Variants in CAD observed in about 807,000 individuals in gnomAD.
The protein encoded by CAD is carbamoyl-phosphate synthetase 2, aspartate transcarbamylase, and dihydroorotase, also known as multifunctional protein CAD.
In CAD, 81 loss-of-function variants were observed where a neutral mutation model predicts 237.2. The observed-to-expected ratio is 0.34, with a 90% CI of 0.29 to 0.41. CAD has a LOEUF of 0.41. Ranked by LOEUF, CAD falls within the 10% of genes least tolerant of loss-of-function variation. The pLI is 1.00. For synonymous variants in CAD, 1,196 were observed against 1,162.8 expected (o/e 1.03, Z -0.58); for missense variants, 2,181 against 2,951.7 (o/e 0.74, Z 6.05).
At chr2:27,238,897 C>A in intron 31 of CAD, 145 bp from the exon 32 acceptor site, 1 of 831,942 alleles carries the variant, frequency 1.2e-6, no homozygotes, top group East Asian at 2.5e-5. Flanking sequence ...AGTCCTGTTG[C>A]CCTTGTTTCT....
Position 27,241,444 on chromosome 2 carries a change from G to A in CAD, c.5883+48G>A, listed in dbSNP as rs1558545754. 3.1e-6 allele frequency: 5 copies of A among 1,588,988 alleles called. No individual in the cohort carries two copies. The highest frequency in any genetic ancestry group is 3.5e-6 in the Non-Finnish European group (4 of 1,157,558). On this transcript the variant is annotated intron_variant, in intron 38 of 43. Coordinates refer to ENST00000264705, the MANE Select transcript of CAD (RefSeq NM_004341.5). The surrounding 1 kb of genome is among the most constrained non-coding windows in gnomAD (Gnocchi z 4.6). ...GGGTCCAGGCCATCGCCTGCCCTTG[G>A]GCCGCATCAGCGCAGGGCCGCGCAG...
Position 27,235,806 on chromosome 2 carries a change from A to C in CAD, c.4074+166A>C. 1.7e-6 allele frequency: 1 copy of C among 575,632 alleles called. No individual in the cohort carries two copies. Among genetic ancestry groups the C allele is most frequent in the Non-Finnish European group, 3.1e-6 (1 of 324,712 alleles). The allele number at this position is 575,632 out of a possible 1,614,324, so 35.7% of individuals were successfully genotyped here. A position where few individuals can be genotyped will look rare whatever the true frequency, so the allele number is the denominator to read the frequency against. On this transcript the variant is annotated intron_variant, in intron 25 of 43. Coordinates refer to ENST00000264705, the MANE Select transcript of CAD (RefSeq NM_004341.5). This position sits in a 1 kb window ranked among gnomAD's most constrained non-coding sequence, Gnocchi z 5.2. Reference sequence around the variant, plus strand: ...CTTGAGCCCAGGAGGTAGAGGCTGCAGTGAGCTGCGAGTGTGCAGTGAGTG... The same window carrying C: ...CTTGAGCCCAGGAGGTAGAGGCTGCCGTGAGCTGCGAGTGTGCAGTGAGTG...
rs201394008 is a variant in CAD, at chr2:27,238,470, G to T, written c.4900G>T (p.Val1634Leu). Reference protein sequence around the residue: ...IKAAKARGLPVTCEVAPHHLF... With the variant: ...IKAAKARGLPLTCEVAPHHLF... ...AGCTGCAAAGGCACGGGGCTTGCCA[G>T]TGACCTGCGAGGTGGCTCCCCACCA... Residue 1634 changes from valine to leucine, a missense_variant, in exon 31 of 44, where the codon GTG (valine) becomes TTG (leucine). Val to Leu is a conservative substitution (Grantham distance 32). Around this residue, in one of 12 missense-constraint regions of CAD, gnomAD observed 478 missense variants for 515.0 expected, o/e 0.93. Transcript: ENST00000264705. 1 of 1,604,260 alleles carries T rather than the reference G, an allele frequency of 6.2e-7. No individual in the cohort carries two copies. The highest frequency in any genetic ancestry group is 1.3e-5 in the African/African-American group (1 of 74,714).
intron 11 of CAD, 58 bp downstream of exon 11, chr2:27,225,301 TTC>T: frequency 1.1e-5 from 11 of 963,138 alleles, no homozygotes; most frequent in East Asian, 2.6e-5. Context: ...TAGTGTTATT[TTC>T]TTTTTTTTTT....
In CAD at chr2:27,231,484, T is replaced by C. The variant is rs757425036; in HGVS notation, c.2304T>C (p.Ile768=). 6 of 1,608,656 alleles carry C rather than the reference T, an allele frequency of 3.7e-6. No individual in the cohort carries two copies. Among genetic ancestry groups the C allele is most frequent in the African/African-American group, 1.3e-5 (1 of 74,804 alleles). ...CMKSVGEVMG[I]GRSFEEAFQK... ...TTCTTCCAGGTGAAGTCATGGGCAT[T>C]GGGCGTTCATTTGAGGAGGCCTTCC... Residue 768 remains isoleucine, a synonymous_variant, in exon 16 of 44, where the codon ATT becomes ATC. Transcript: ENST00000264705.
At chr2:27,223,499 G>C (rs1345380131) in intron 6 of CAD, 64 bp from the exon 7 acceptor site, 40 of 1,429,232 alleles carry the variant, frequency 2.8e-5, no homozygotes, top group Non-Finnish European at 1.2e-5. Flanking sequence ...GTGAGAGCTG[G>C]GGTAGGTTCA....
chr2:27,243,735 C>T lies in CAD; in HGVS notation c.*217C>T. The T allele has an allele frequency of 1.7e-6, 1 of 571,746 alleles. No individual in the cohort carries two copies. The highest frequency in any genetic ancestry group is 3.1e-6 in the Non-Finnish European group (1 of 321,128). The allele number at this position is 571,746 out of a possible 1,614,324, so 35.4% of individuals were successfully genotyped here. A position where few individuals can be genotyped will look rare whatever the true frequency, so the allele number is the denominator to read the frequency against. ...CCCATCTTCATTCCTGCACCTTAAA[C>T]CTGTACAGTCATTTTTCTACTGACT... On this transcript the variant is annotated 3_prime_UTR_variant, in exon 44 of 44. Transcript: ENST00000264705.
At chr2:27,228,279 T>G (rs989307059) in intron 15 of CAD, among the ~76,000 whole-genome samples, 1 of 152,238 alleles carries the variant, frequency 6.6e-6, no homozygotes, top group African/African-American at 2.4e-5. Context: ...AGACTCTGTT[T>G]ATGCCCACTT....
At position 27,233,307 on chromosome 2, in the gene CAD, C is replaced by T. The variant is rs908394048; in HGVS notation, c.2992-5C>T. The stretch of plus-strand genomic sequence containing the variant: ...CCACCACTTGTTTCTCCCCCTGCAA[C>T]GTAGGTGGTGATGGACATCTATGAG... On this transcript the variant is annotated splice_region_variant and splice_polypyrimidine_tract_variant and intron_variant, in intron 19 of 43. Coordinates refer to ENST00000264705, the MANE Select transcript of CAD (RefSeq NM_004341.5). The surrounding 1 kb of genome is among the most constrained non-coding windows in gnomAD (Gnocchi z 6.3). 7.4e-6 allele frequency: 12 copies of T among 1,611,898 alleles called. No homozygotes were observed. Among genetic ancestry groups the T allele is most frequent in the African/African-American group, 1.3e-5 (1 of 75,020 alleles).
chr2:27,230,048 GC>G (rs1352563615), intron 15 of CAD, among the ~76,000 whole-genome samples: 6 of 151,214 alleles, frequency 4.0e-5, no homozygotes. Flanking sequence ...GACCAGCCTG[GC>G]CAACATGGTG....
intron 5 of CAD, 83 bp downstream of exon 5, chr2:27,222,743 G>A: frequency 6.3e-7 from 1 of 1,583,342 alleles, no homozygotes; most frequent in East Asian, 2.2e-5. Flanking sequence ...CTAAAAGTCA[G>A]TAGGAGTTGC....
chr2:27,235,864 A>G lies in CAD; in HGVS notation c.4074+224A>G. 1 of 474,154 alleles carries G rather than the reference A, an allele frequency of 2.1e-6. No individual in the cohort carries two copies. Among genetic ancestry groups the G allele is most frequent in the East Asian group, 3.5e-5 (1 of 28,452 alleles). The allele number at this position is 474,154 out of a possible 1,614,324, so 29.4% of individuals were successfully genotyped here. ...GCACTCCAGCTTGGGAAACAGTGAGATGCTGTCTCAAAAAAAAAAAAAACA... is the reference window on the plus strand; with the variant it reads ...GCACTCCAGCTTGGGAAACAGTGAGGTGCTGTCTCAAAAAAAAAAAAAACA... On this transcript the variant is annotated intron_variant, in intron 25 of 43. Transcript: ENST00000264705. The surrounding 1 kb of genome is among the most constrained non-coding windows in gnomAD (Gnocchi z 5.2).
rs999875882 is a variant in CAD, at chr2:27,243,940, T to C, written c.*422T>C. The C allele has an allele frequency of 1.1e-5, 2 of 181,114 alleles. No individual in the cohort carries two copies. Among genetic ancestry groups the C allele is most frequent in the Non-Finnish European group, 2.4e-5 (2 of 85,050 alleles). 11.2% of individuals were successfully genotyped at this position (181,114 alleles called of 1,614,324 possible). A position where few individuals can be genotyped will look rare whatever the true frequency, so the allele number is the denominator to read the frequency against. On this transcript the variant is annotated 3_prime_UTR_variant, in exon 44 of 44. Transcript: ENST00000264705. The stretch of plus-strand genomic sequence containing the variant: ...CTCTTTGGGACTCGGCAGGAGCGTG[T>C]TAACTCTGTGCTCTCTGAGTCCTGT...
rs1026998452 is a variant in CAD at position 27,231,140 on chromosome 2, G to C, written c.2288-328G>C. On this transcript the variant is annotated intron_variant, in intron 15 of 43. Coordinates refer to ENST00000264705, the MANE Select transcript of CAD (RefSeq NM_004341.5). ...CCTGCCTCAGCCTCTGGAGTAGCTG[G>C]GGCTACAGGCGCCCGCCACCACTCC... Among the ~76,000 whole-genome samples the C allele has an allele frequency of 3.7e-4, 56 of 152,114 alleles. 1 individual carries two copies. The highest frequency in any genetic ancestry group is 1.0e-4 in the Non-Finnish European group (7 of 68,030).
chr2:27,239,543 C>T lies in CAD; in HGVS notation c.5394+72C>T. 6.4e-7 allele frequency: 1 copy of T among 1,557,022 alleles called. No homozygotes were observed. The highest frequency in any genetic ancestry group is 1.2e-5 in the South Asian group (1 of 86,398). ...CCACGTTCATTTCTTCCCTTCCCAG[C>T]ACATCTACACTGTCCCACTATGTGC... On this transcript the variant is annotated intron_variant, in intron 33 of 43. Transcript: ENST00000264705. This position sits in a 1 kb window ranked among gnomAD's most constrained non-coding sequence, Gnocchi z 4.0.
At position 27,217,407 on chromosome 2, in the gene CAD, A is replaced by G. The variant is rs905804401; in HGVS notation, c.-145A>G. 5.4e-6 allele frequency: 4 copies of G among 742,164 alleles called. No homozygotes were observed. Among genetic ancestry groups the G allele is most frequent in the Admixed American group, 2.1e-5 (1 of 46,922 alleles). 46.0% of individuals were successfully genotyped at this position (742,164 alleles called of 1,614,324 possible). Reference sequence around the variant, plus strand: ...GCCGCCAAGCGCGCCCGAGGCTCCTACGCTGCCGCGCCCGGCTTCTCTCCA... The same window carrying G: ...GCCGCCAAGCGCGCCCGAGGCTCCTGCGCTGCCGCGCCCGGCTTCTCTCCA... On this transcript the variant is annotated 5_prime_UTR_variant, in exon 1 of 44. Coordinates refer to ENST00000264705, the MANE Select transcript of CAD (RefSeq NM_004341.5).
chr2:27,243,698 G>A lies in CAD; in HGVS notation c.*180G>A, dbSNP rs964959570. ...ATGGGGGTGGGGCCTCAGATGCTGG[G>A]GCCCAGTCTGCCCCATCTTCATTCC... On this transcript the variant is annotated 3_prime_UTR_variant, in exon 44 of 44. Coordinates refer to ENST00000264705, the MANE Select transcript of CAD (RefSeq NM_004341.5). The A allele has an allele frequency of 3.3e-6, 2 of 606,248 alleles. No individual in the cohort carries two copies. The highest frequency in any genetic ancestry group is 5.9e-6 in the Non-Finnish European group (2 of 340,124). The allele number at this position is 606,248 out of a possible 1,614,324, so 37.6% of individuals were successfully genotyped here.
chr2:27,235,044 T>C lies in CAD; in HGVS notation c.3787-201T>C, dbSNP rs1010078788. Among the ~76,000 whole-genome samples, 10 of 152,204 alleles carry C rather than the reference T, an allele frequency of 6.6e-5. 1 individual carries two copies. The South Asian group carries it at 1.7e-3, about 25-fold the overall frequency. ...TTGAGTTTTGAAGGATGGTTAAGGT[T>C]TTTTATTTGCAAGGGCACATCCTAA... is the stretch of plus-strand genomic sequence containing the variant. On this transcript the variant is annotated intron_variant, in intron 23 of 43. Coordinates refer to ENST00000264705, the MANE Select transcript of CAD (RefSeq NM_004341.5). The surrounding 1 kb of genome is among the most constrained non-coding windows in gnomAD (Gnocchi z 5.2).
At position 27,236,170 on chromosome 2, in the gene CAD, T is replaced by C; in HGVS notation, c.4075-114T>C. On this transcript the variant is annotated intron_variant, in intron 25 of 43. Coordinates refer to ENST00000264705, the MANE Select transcript of CAD (RefSeq NM_004341.5). This position sits in a 1 kb window ranked among gnomAD's most constrained non-coding sequence, Gnocchi z 4.1. ...TAGAGGCAGCCCTCAGTGCCCACCC[T>C]ATGGGTCCTCAGTCTCCTCATCATG... is the stretch of plus-strand genomic sequence containing the variant. 1.4e-6 allele frequency: 2 copies of C among 1,416,214 alleles called. No homozygotes were observed. The highest frequency in any genetic ancestry group is 1.9e-6 in the Non-Finnish European group (2 of 1,043,642). 87.7% of individuals were successfully genotyped at this position (1,416,214 alleles called of 1,614,324 possible).
Sources: allele counts gnomAD v4.1 joint callset (sites outside exome capture counted in the v4.1 genomes callset), GRCh38; gene constraint gnomAD v4.1.1; regional missense constraint gnomAD v4.1.1; non-coding constraint Gnocchi (gnomAD v3.1); transcripts MANE v1.5; gene names NCBI Gene and HGNC (gene_info 2026-07-23, HGNC 2026-07-21).